The following DOCK11 variants were observed in gnomAD, a reference collection of about 807,000 sequenced individuals.
DOCK11 encodes dedicator of cytokinesis 11.
In DOCK11, 70 loss-of-function variants were observed where a neutral mutation model predicts 169.1. The observed-to-expected ratio is 0.41, with a 90% CI of 0.34 to 0.51. DOCK11 has a LOEUF of 0.51. Among genes scored for constraint, DOCK11 ranks in the 20% least tolerant of loss-of-function variants. The pLI is 0.10. For missense variants in DOCK11, 1,166 were observed against 1,538.8 expected (o/e 0.76, Z 4.05); for synonymous variants, 529 against 541.3 (o/e 0.98, Z 0.32).
chrX:118,525,810 G>T (rs1373050097), intron 1 of DOCK11, among the ~76,000 whole-genome samples: 1 of 95,351 alleles, frequency 1.0e-5, no homozygotes, highest in Non-Finnish European at 2.1e-5. Flanking sequence ...AACTCTGGGG[G>T]AAAACAGAAA....
intron 23 of DOCK11, among the ~76,000 whole-genome samples, chrX:118,604,161 G>A (rs948897925): frequency 2.7e-5 from 3 of 111,538 alleles, no homozygotes; most frequent in East Asian, 5.6e-4. Flanking sequence ...CAAATCTGTC[G>A]GGAACAAAAT....
rs150574810 is a variant in DOCK11, at chrX:118,599,150, G to A, written c.2484G>A (p.Val828=). Residue 828 remains valine (V), a synonymous_variant, in exon 23 of 53, where the codon GTG becomes GTA. Coordinates refer to ENST00000276202, the MANE Select transcript of DOCK11 (RefSeq NM_144658.4). The part of the protein sequence containing the change: ...ESTIYTQDLH[V]HKFFHHCQLI... ...CATCTGTGTTCCAGGATCTGCATGT[G>A]CACAAATTCTTCCATCATTGCCAGC... 2.0e-3 allele frequency: 2,408 copies of A among 1,207,627 alleles called. 5 individuals carry two copies. The highest frequency in any genetic ancestry group is 2.4e-3 in the Non-Finnish European group (2,106 of 893,393).
chrX:118,633,962 T>C (rs183908976), intron 35 of DOCK11: 1 of 112,878 alleles, frequency 8.9e-6, no homozygotes, highest in East Asian at 2.8e-4. Flanking sequence ...ATAGTCTTTC[T>C]CTAGCGCAAG....
At chrX:118,609,049 A>G (rs923182513) in intron 26 of DOCK11, among the ~76,000 whole-genome samples, 2 of 112,365 alleles carry the variant, frequency 1.8e-5, no homozygotes, top group Non-Finnish European at 3.8e-5. Context: ...AATACTCCCC[A>G]GTGGGACAAA....
At chrX:118,623,227 A>G (rs1464577995) in intron 31 of DOCK11, among the ~76,000 whole-genome samples, 1 of 111,873 alleles carries the variant, frequency 8.9e-6, no homozygotes, top group Admixed American at 9.5e-5. Context: ...CAAAAAAAAA[A>G]GAATGAGTTA....
At chrX:118,681,272 T>C (rs371079139) in intron 50 of DOCK11, 24 bp downstream of exon 50, 155 of 1,126,533 alleles carry the variant, frequency 1.4e-4, no homozygotes, top group Non-Finnish European at 1.7e-4. Context: ...CCAACATGTA[T>C]TGAATGTTTC....
chrX:118,671,208 G>C (rs1335475370), intron 46 of DOCK11, 63 bp downstream of exon 46: 1 of 1,025,709 alleles, frequency 9.7e-7, no homozygotes, highest in East Asian at 3.1e-5. Flanking sequence ...AGGGAAAACA[G>C]TAATATAGTT....
rs1436262189 is a variant in DOCK11, at chrX:118,591,789, C to T, written c.2140-1425C>T. Among the ~76,000 whole-genome samples, 6 of 32,530 alleles carry T rather than the reference C, an allele frequency of 1.8e-4. 1 individual carries two copies. Among genetic ancestry groups the T allele is most frequent in the Non-Finnish European group, 3.4e-4 (5 of 14,910 alleles). The allele number at this position is 32,530 out of a possible 115,157, so 28.2% of individuals were successfully genotyped here. On this transcript the variant is annotated intron_variant, in intron 19 of 52. Transcript: ENST00000276202. ...TAATGCTGTCCCTCCCCCCTCCCCC[C>T]ACCCCACAACAGTCCCCAGAGTGTG...
At chrX:118,505,943 C>A (rs1439177213) in intron 1 of DOCK11, among the ~76,000 whole-genome samples, 1 of 112,282 alleles carries the variant, frequency 8.9e-6, no homozygotes, top group African/African-American at 3.2e-5. Flanking sequence ...TTGGACATGC[C>A]TACCTTTCCC....
At chrX:118,624,704 G>A (rs1183015846) in intron 32 of DOCK11, 49 bp downstream of exon 32, 1 of 868,482 alleles carries the variant, frequency 1.2e-6, no homozygotes, top group Non-Finnish European at 1.7e-6. Context: ...TTTATTGAAT[G>A]CATTTGGAAT....
chrX:118,523,782 A>T (rs1331118589), intron 1 of DOCK11, among the ~76,000 whole-genome samples: 1 of 111,818 alleles, frequency 8.9e-6, no homozygotes, highest in Non-Finnish European at 1.9e-5. Context: ...TACTTAGAAA[A>T]CAAACTCCCA....
chrX:118,528,518 A>T (rs919300651), intron 1 of DOCK11, among the ~76,000 whole-genome samples: 1 of 111,560 alleles, frequency 9.0e-6, no homozygotes, highest in African/African-American at 3.3e-5. Flanking sequence ...AGGTGTAGAC[A>T]TAGTTTTGTC....
At chrX:118,608,190 T>C in intron 25 of DOCK11, 41 bp from the exon 26 acceptor site, 1 of 1,191,412 alleles carries the variant, frequency 8.4e-7, no homozygotes, top group Non-Finnish European at 1.1e-6. Flanking sequence ...ATGTGACAAT[T>C]TTGTCTTACA....
rs192599106 is a variant in DOCK11 at position 118,681,134 on chromosome X, T to C, written c.5748T>C (p.Asp1916=). The part of the protein sequence containing the change: ...CEQQINLKPI[D]VATDEIKDKT... ...AGCAGATTAATTTAAAACCAATTGA[T>C]GTTGCCACTGATGAAATAAAAGATA... Residue 1916 remains aspartate, a synonymous_variant, in exon 50 of 53, where the codon GAT becomes GAC. Transcript: ENST00000276202. 8.3e-7 allele frequency: 1 copy of C among 1,206,501 alleles called. No homozygotes were observed. Among genetic ancestry groups the C allele is most frequent in the East Asian group, 3.0e-5 (1 of 33,620 alleles).
chrX:118,605,714 T>A (rs750876053), intron 24 of DOCK11, among the ~76,000 whole-genome samples: 1 of 111,871 alleles, frequency 8.9e-6, no homozygotes, highest in Non-Finnish European at 1.9e-5. Flanking sequence ...CTGGAGACTA[T>A]TCTATGTGCT....
At chrX:118,508,219 T>C (rs1020241332) in intron 1 of DOCK11, among the ~76,000 whole-genome samples, 2 of 111,937 alleles carry the variant, frequency 1.8e-5, no homozygotes, top group Non-Finnish European at 3.8e-5. Context: ...GAAAAAAATA[T>C]CCAGAACACT....
At chrX:118,668,685 G>T (rs1162676350) in intron 45 of DOCK11, among the ~76,000 whole-genome samples, 1 of 111,521 alleles carries the variant, frequency 9.0e-6, no homozygotes, top group Non-Finnish European at 1.9e-5. Context: ...TAGATAATAC[G>T]TAAATAATGT....
At chrX:118,648,100 A>G (rs1268390746) in intron 40 of DOCK11, among the ~76,000 whole-genome samples, 1 of 73,702 alleles carries the variant, frequency 1.4e-5, no homozygotes, top group African/African-American at 5.4e-5. Context: ...GTAATATTAT[A>G]CAATATAATA....
At position 118,624,530 on chromosome X, in the gene DOCK11, A is replaced by AT. The variant is rs774901266; in HGVS notation, c.3472-4dup. The AT allele has an allele frequency of 8.4e-5, 95 of 1,125,666 alleles. No homozygotes were observed. Among genetic ancestry groups the AT allele is most frequent in the Middle Eastern group, 2.4e-4 (1 of 4,178 alleles). The allele number at this position is 1,125,666 out of a possible 1,213,427, so 92.8% of individuals were successfully genotyped here. A position where few individuals can be genotyped will look rare whatever the true frequency, so the allele number is the denominator to read the frequency against. On this transcript the variant is annotated splice_polypyrimidine_tract_variant and intron_variant, in intron 31 of 52. Transcript: ENST00000276202. ...TATACGTATTAAGCTTTCAATAATT[A>AT]TTTTTCAGAACCAACAAGCCAAAAT...
Sources: allele counts gnomAD v4.1 joint callset (sites outside exome capture counted in the v4.1 genomes callset), GRCh38; gene constraint gnomAD v4.1.1; transcripts MANE v1.5; gene names NCBI Gene and HGNC (gene_info 2026-07-23, HGNC 2026-07-21).